RERE: variants seen among roughly 807,000 people sequenced by gnomAD.
The protein encoded by RERE is arginine-glutamic acid dipeptide repeats.
RERE carries 40 observed loss-of-function variants against 146.1 expected under a neutral mutation model. That is an observed-to-expected ratio of 0.27 (90% CI 0.21 to 0.36). The LOEUF is 0.36. RERE is among the 10% of genes least tolerant of loss of function. RERE has a pLI of 1.00. For missense variants in RERE, 1,933 were observed against 2,138.7 expected, an observed-to-expected ratio of 0.90 and a Z score of 1.90; for synonymous variants, 1,003 against 866.0, an observed-to-expected ratio of 1.16 and a Z score of -2.78.
intron 1 of RERE, among the ~76,000 whole-genome samples, chr1:8,684,353 G>A (rs2124403418): frequency 6.6e-6 from 1 of 151,910 alleles, no homozygotes; most frequent in East Asian, 1.9e-4. Context: ...AGAAAAGCTA[G>A]TATCATGAAG....
chr1:8,647,641 A>G (rs61785506), intron 2 of RERE, among the ~76,000 whole-genome samples: 2,392 of 148,634 alleles, frequency 0.016, 68 homozygotes, highest in African/African-American at 0.055. Context: ...TAAAATATGT[A>G]TGTGTGTGTG....
chr1:8,420,306 GAGAA>G (rs976470430), intron 12 of RERE, among the ~76,000 whole-genome samples: 5 of 151,920 alleles, frequency 3.3e-5, no homozygotes, highest in Non-Finnish European at 7.4e-5. Flanking sequence ...AAGAGAGAGA[GAGAA>G]AGAGAGAGAG....
intron 1 of RERE, among the ~76,000 whole-genome samples, chr1:8,785,687 T>G (rs1189403692): frequency 2.6e-5 from 4 of 152,166 alleles, no homozygotes; most frequent in African/African-American, 4.8e-5. Context: ...GATGGCGCAG[T>G]CTTGGCTCAC....
intron 1 of RERE, among the ~76,000 whole-genome samples, chr1:8,745,852 T>C (rs755092737): frequency 5.9e-5 from 9 of 152,186 alleles, no homozygotes; most frequent in Non-Finnish European, 1.2e-4. Context: ...GGAGAATCGC[T>C]TGAGCCCAGG....
intron 1 of RERE, among the ~76,000 whole-genome samples, chr1:8,689,213 G>C (rs1639155339): frequency 6.6e-6 from 1 of 152,098 alleles, no homozygotes; most frequent in Admixed American, 6.5e-5. Flanking sequence ...AATTCTTTCA[G>C]AATGAAGGGC....
rs1196249853 is a variant in RERE at position 8,490,398 on chromosome 1, G to A, written c.1104+4665C>T. Among the ~76,000 whole-genome samples, 2 of 148,944 alleles carry A rather than the reference G, an allele frequency of 1.3e-5. 1 individual carries two copies. Among genetic ancestry groups the A allele is most frequent in the African/African-American group, 5.1e-5 (2 of 39,144 alleles). ...AAGAAACCTGTTTGACAGTTTCTGA[G>A]AGAGCTTCCTACGTACAAACAATCC... is the stretch of plus-strand genomic sequence containing the variant. On this transcript the variant is annotated intron_variant, in intron 10 of 22. Transcript: ENST00000400908.
At chr1:8,803,433 G>A (rs1641625663) in intron 1 of RERE, among the ~76,000 whole-genome samples, 1 of 152,022 alleles carries the variant, frequency 6.6e-6, no homozygotes, top group South Asian at 2.1e-4. Context: ...TTGTGCCACT[G>A]CACTCCAGCC....
At chr1:8,451,597 G>A (rs909562112) in intron 11 of RERE, among the ~76,000 whole-genome samples, 3 of 152,144 alleles carry the variant, frequency 2.0e-5, no homozygotes, top group Non-Finnish European at 4.4e-5. Context: ...TCTGCTCTGT[G>A]TGTCTGAAGT....
intron 11 of RERE, among the ~76,000 whole-genome samples, chr1:8,432,056 T>A (rs1056766493): frequency 1.3e-5 from 2 of 152,158 alleles, no homozygotes; most frequent in Non-Finnish European, 2.9e-5. Flanking sequence ...CTCCCTGGCC[T>A]CAGTGTGTCT....
intron 7 of RERE, among the ~76,000 whole-genome samples, chr1:8,526,449 A>C (rs1036016999): frequency 1.3e-5 from 2 of 152,196 alleles, no homozygotes. Context: ...TAAGAGAAGC[A>C]ACTTCACAAA....
intron 12 of RERE, among the ~76,000 whole-genome samples, chr1:8,402,773 G>C (rs1643307511): frequency 6.6e-6 from 1 of 152,154 alleles, no homozygotes; most frequent in African/African-American, 2.4e-5. Flanking sequence ...TGTGAAGCTT[G>C]CCTTCTTTTC....
Position 8,816,209 on chromosome 1 carries a change from T to A in RERE, c.-145+951A>T, listed in dbSNP as rs1005154635. 2.0e-5 allele frequency among the ~76,000 whole-genome samples: 3 copies of A among 152,220 alleles called. No individual in the cohort carries two copies. In the East Asian group the frequency reaches 5.8e-4, roughly 29 times the overall value. ...TATATTAAAATGTCTATTTTGTAATTCACCAAGTTCACCCTCTTACTAGTT... is the reference window on the plus strand; with the variant it reads ...TATATTAAAATGTCTATTTTGTAATACACCAAGTTCACCCTCTTACTAGTT... On this transcript the variant is annotated intron_variant, in intron 1 of 22. Coordinates refer to ENST00000400908, the MANE Select transcript of RERE (RefSeq NM_001042681.2).
chr1:8,369,373 T>G (rs547891419), intron 12 of RERE, among the ~76,000 whole-genome samples: 3 of 151,984 alleles, frequency 2.0e-5, no homozygotes, highest in African/African-American at 2.4e-5. Context: ...AATCTAACAT[T>G]GAAATCAACA....
chr1:8,786,935 T>C (rs750212802), intron 1 of RERE: 24 of 705,180 alleles, frequency 3.4e-5, no homozygotes, highest in Non-Finnish European at 4.7e-5. Flanking sequence ...ACACCCTCCA[T>C]GGTTCCAGCT....
At chr1:8,631,961 G>A (rs1389983164) in intron 2 of RERE, among the ~76,000 whole-genome samples, 1 of 152,156 alleles carries the variant, frequency 6.6e-6, no homozygotes, top group Non-Finnish European at 1.5e-5. Flanking sequence ...TGATACTTCA[G>A]AGTATCTAAT....
intron 12 of RERE, among the ~76,000 whole-genome samples, chr1:8,413,266 T>C (rs1189703738): frequency 1.3e-5 from 2 of 152,088 alleles, no homozygotes; most frequent in East Asian, 3.9e-4. Flanking sequence ...CATGCACACA[T>C]GTGTGCAGAG....
chr1:8,614,125 G>A (rs1646823634), intron 4 of RERE, among the ~76,000 whole-genome samples: 1 of 152,154 alleles, frequency 6.6e-6, no homozygotes, highest in Non-Finnish European at 1.5e-5. Flanking sequence ...CTATTTCTGA[G>A]CAATACCCTA....
intron 1 of RERE, among the ~76,000 whole-genome samples, chr1:8,732,791 C>T (rs1640115358): frequency 6.8e-6 from 1 of 146,376 alleles, no homozygotes; most frequent in African/African-American, 2.5e-5. Context: ...ATACTATCTG[C>T]CCAATTTTCA....
intron 2 of RERE, among the ~76,000 whole-genome samples, chr1:8,650,054 G>A (rs1647535165): frequency 6.6e-6 from 1 of 152,054 alleles, no homozygotes; most frequent in Admixed American, 6.6e-5. Flanking sequence ...AAGGCCCCGA[G>A]GCAGGCGGGA....
Sources: gnomAD v4.1 joint callset for allele counts (sites outside exome capture counted in the v4.1 genomes callset) on GRCh38, gnomAD v4.1.1 for gene constraint, MANE v1.5 for transcripts, NCBI Gene and HGNC (gene_info 2026-07-23, HGNC 2026-07-21) for gene names.